Variants in NTM observed in about 807,000 individuals in gnomAD.
NTM encodes the protein neurotrimin, also known as IgLON family member 2.
Under a neutral mutation model 42.1 loss-of-function variants are expected in NTM, and 13 were observed. The ratio of observed to expected loss-of-function variants is 0.31; its 90% confidence interval spans 0.20 to 0.49. NTM has a LOEUF of 0.49. Ranked by LOEUF, NTM falls within the 20% of genes least tolerant of loss-of-function variation. The pLI, the probability that NTM is intolerant of heterozygous loss-of-function variation, is 0.99. For synonymous variants in NTM, 187 were observed against 179.2 expected, an observed-to-expected ratio of 1.04 and a Z score of -0.35; for missense variants, 373 against 452.8, an observed-to-expected ratio of 0.82 and a Z score of 1.60.
At chr11:132,218,750 G>A (rs921268) in intron 4 of NTM, among the ~76,000 whole-genome samples, 59,948 of 151,964 alleles carry the variant, frequency 0.39, 12,097 homozygotes, top group Middle Eastern at 0.55. Context: ...CATCTTGTTC[G>A]TTCTTCTGCT....
rs563589226 is a variant in NTM, at chr11:132,093,418, C to G, written c.168-52864C>G. ...CAGCTTAGCAGCTTATTTTTCATCTCTCTGTCATTCATTGTTCCATCCAAC... is the reference window on the plus strand; with the variant it reads ...CAGCTTAGCAGCTTATTTTTCATCTGTCTGTCATTCATTGTTCCATCCAAC... On this transcript the variant is annotated intron_variant, in intron 2 of 8. Coordinates refer to ENST00000683400, the MANE Select transcript of NTM (RefSeq NM_001352005.2). 7.9e-5 allele frequency among the ~76,000 whole-genome samples: 12 copies of G among 152,310 alleles called. No homozygotes were observed. In the East Asian group the frequency reaches 2.3e-3, roughly 29 times the overall value.
At chr11:132,332,088 A>G (rs997410802) in intron 8 of NTM, among the ~76,000 whole-genome samples, 19 of 152,214 alleles carry the variant, frequency 1.2e-4, no homozygotes, top group African/African-American at 4.6e-4. Flanking sequence ...GAATTCGCAT[A>G]AAGAATAAAT....
At chr11:132,192,835 A>C (rs529486590) in intron 3 of NTM, among the ~76,000 whole-genome samples, 1 of 152,316 alleles carries the variant, frequency 6.6e-6, no homozygotes, top group East Asian at 1.9e-4. Flanking sequence ...AAAATGAAAA[A>C]GAGTAGGGGT....
intron 1 of NTM, among the ~76,000 whole-genome samples, chr11:131,697,995 T>A (rs895396075): frequency 5.3e-5 from 8 of 152,082 alleles, no homozygotes; most frequent in Non-Finnish European, 8.8e-5. Flanking sequence ...ACATAGGAAG[T>A]ATATATCTGA....
intron 1 of NTM, among the ~76,000 whole-genome samples, chr11:131,736,705 G>A (rs1326262769): frequency 6.6e-6 from 1 of 152,198 alleles, no homozygotes; most frequent in East Asian, 1.9e-4. Context: ...GGTAGATGAT[G>A]AGCGTAACTC....
chr11:131,503,860 T>C (rs444876), intron 1 of NTM, among the ~76,000 whole-genome samples: 71,755 of 151,990 alleles, frequency 0.47, 18,399 homozygotes, highest in African/African-American at 0.69. Context: ...GCGTGTTTCT[T>C]TAATCCATTT....
At chr11:132,225,277 A>G (rs932052563) in intron 4 of NTM, among the ~76,000 whole-genome samples, 2 of 152,022 alleles carry the variant, frequency 1.3e-5, no homozygotes, top group African/African-American at 2.4e-5. Flanking sequence ...ATGCAACCCA[A>G]TGCCAGGGAG....
chr11:131,807,115 A>C (rs1421450139), intron 1 of NTM, among the ~76,000 whole-genome samples: 1 of 152,214 alleles, frequency 6.6e-6, no homozygotes, highest in Non-Finnish European at 1.5e-5. Flanking sequence ...GGAAAAGTAC[A>C]GAGCACAAAG....
chr11:131,562,428 G>A (rs1592058870), intron 1 of NTM, among the ~76,000 whole-genome samples: 1 of 152,144 alleles, frequency 6.6e-6, no homozygotes, highest in South Asian at 2.1e-4. Context: ...GGTGGGGAGA[G>A]GGTGGGGAAT....
rs958568604 is a variant in NTM at position 132,047,309 on chromosome 11, T to C, written c.168-98973T>C. Among the ~76,000 whole-genome samples the C allele has an allele frequency of 3.9e-5, 6 of 152,374 alleles. No homozygotes were observed. In the South Asian group the frequency reaches 8.3e-4, roughly 21 times the overall value. On this transcript the variant is annotated intron_variant, in intron 2 of 8. Coordinates refer to ENST00000683400, the MANE Select transcript of NTM (RefSeq NM_001352005.2). ...TTCACACAAAGTCTCCAGGCCAGCC[T>C]GATGCTGAATTCTGAATATCCCTTA... is the stretch of plus-strand genomic sequence containing the variant.
At chr11:131,390,828 C>A (rs994448578) in intron 1 of NTM, among the ~76,000 whole-genome samples, 1 of 152,112 alleles carries the variant, frequency 6.6e-6, no homozygotes, top group Non-Finnish European at 1.5e-5. Flanking sequence ...GAGAGGAGGC[C>A]CAGCCATCTG....
At chr11:131,609,340 GTGTGGTCAAAGTCCTAT>G (rs1441454723) in intron 1 of NTM, among the ~76,000 whole-genome samples, 1 of 152,250 alleles carries the variant, frequency 6.6e-6, no homozygotes, top group African/African-American at 2.4e-5. Flanking sequence ...AAGCTTAGAA[GTGTGGTCAAAGTCCTAT>G]TATTAAAGTC....
At chr11:132,211,223 C>A (rs957565442) in intron 3 of NTM, among the ~76,000 whole-genome samples, 1 of 152,150 alleles carries the variant, frequency 6.6e-6, no homozygotes, top group Middle Eastern at 3.2e-3. Flanking sequence ...GGGCACATGG[C>A]AAAACCTTGT....
chr11:131,433,239 CAATT>C (rs1948836910), intron 1 of NTM, among the ~76,000 whole-genome samples: 1 of 152,154 alleles, frequency 6.6e-6, no homozygotes, highest in African/African-American at 2.4e-5. Flanking sequence ...TTCTTTGAAT[CAATT>C]GTCAGTATTC....
chr11:131,382,321 C>T (rs1415454515), intron 1 of NTM, among the ~76,000 whole-genome samples: 1 of 152,122 alleles, frequency 6.6e-6, no homozygotes, highest in East Asian at 1.9e-4. Flanking sequence ...TCAAGAATGA[C>T]AGAGAAGGAT....
At chr11:131,769,357 T>C (rs192572995) in intron 1 of NTM, among the ~76,000 whole-genome samples, 26 of 152,258 alleles carry the variant, frequency 1.7e-4, no homozygotes, top group African/African-American at 5.8e-4. Flanking sequence ...AGAAAAGCAC[T>C]CAAAGCCTCT....
chr11:132,320,388 C>T (rs933428366), intron 7 of NTM, among the ~76,000 whole-genome samples: 6 of 152,186 alleles, frequency 3.9e-5, no homozygotes, highest in African/African-American at 1.4e-4. Context: ...CAGGGAGTTC[C>T]CTTTCCTAAT....
chr11:132,066,262 A>T (rs891386193), intron 2 of NTM, among the ~76,000 whole-genome samples: 2 of 152,164 alleles, frequency 1.3e-5, no homozygotes, highest in African/African-American at 4.8e-5. Flanking sequence ...GCTCTCTGTG[A>T]ATCTTTCTCA....
intron 1 of NTM, chr11:131,796,133 G>A (rs1202212976): frequency 1.0e-6 from 1 of 985,208 alleles, no homozygotes; most frequent in African/African-American, 1.7e-5. Context: ...GGAAGTTGAA[G>A]GACTGGAAGG....
Sources: gnomAD v4.1 joint callset for allele counts (sites outside exome capture counted in the v4.1 genomes callset) on GRCh38, gnomAD v4.1.1 for gene constraint, MANE v1.5 for transcripts, NCBI Gene and HGNC (gene_info 2026-07-23, HGNC 2026-07-21) for gene names.